FHIT: variants seen among roughly 807,000 people sequenced by gnomAD.
FHIT encodes bis(5'-adenosyl)-triphosphatase.
In FHIT, 19 loss-of-function variants were observed where a neutral mutation model predicts 17.9. That is an observed-to-expected ratio of 1.06 (90% CI 0.74 to 1.56). FHIT has a LOEUF of 1.56. Ranked by LOEUF, FHIT falls within the 40% of genes most tolerant of loss-of-function variation. The pLI, the probability that FHIT is intolerant of heterozygous loss-of-function variation, is 0.00. For synonymous variants in FHIT, 81 were observed against 69.7 expected (o/e 1.16, Z -0.81); for missense variants, 248 against 189.2 (o/e 1.31, Z -1.82).
chr3:60,571,335 C>CAAAAAAAAAAAAAAA lies in FHIT; in HGVS notation c.-17-34371_-17-34357dup, dbSNP rs56094072. Among the ~76,000 whole-genome samples the CAAAAAAAAAAAAAAA allele has an allele frequency of 5.9e-4, 32 of 54,672 alleles. 1 individual carries two copies. The highest frequency in any genetic ancestry group is 6.7e-4 in the Non-Finnish European group (21 of 31,312). 35.9% of individuals were successfully genotyped at this position (54,672 alleles called of 152,430 possible). ...TGGGCAACAGGGCAAGACTCCATCGCAAAAAAAAAAAAAAAAAAAAAAAAA... is the reference window on the plus strand; with the variant it reads ...TGGGCAACAGGGCAAGACTCCATCGCAAAAAAAAAAAAAAAAAAAAAAAAAAAAAAAAAAAAAAAA... On this transcript the variant is annotated intron_variant, in intron 4 of 9. Coordinates refer to ENST00000492590, the MANE Select transcript of FHIT (RefSeq NM_002012.4).
In FHIT at chr3:60,922,144, G is replaced by A. The variant is rs1483457720; in HGVS notation, c.-110-100133C>T. Among the ~76,000 whole-genome samples, 4 of 152,132 alleles carry A rather than the reference G, an allele frequency of 2.6e-5. No individual in the cohort carries two copies. The East Asian group carries it at 7.7e-4, about 29-fold the overall frequency. On this transcript the variant is annotated intron_variant, in intron 3 of 9. Coordinates refer to ENST00000492590, the MANE Select transcript of FHIT (RefSeq NM_002012.4). Reference sequence around the variant, plus strand: ...TAAATAAGCTCACCTGCCATGGTGGGGTCTCTGAAAATGACTTGGAAGGAC... The same window carrying A: ...TAAATAAGCTCACCTGCCATGGTGGAGTCTCTGAAAATGACTTGGAAGGAC...
At chr3:59,870,856 C>T (rs979133019) in intron 8 of FHIT, among the ~76,000 whole-genome samples, 4 of 116,236 alleles carry the variant, frequency 3.4e-5, no homozygotes, top group Middle Eastern at 4.3e-3. Flanking sequence ...TAGTAAAGGG[C>T]GTGTGTGTGT....
intron 5 of FHIT, among the ~76,000 whole-genome samples, chr3:60,186,897 T>G (rs1003516742): frequency 7.9e-5 from 12 of 152,172 alleles, no homozygotes; most frequent in African/African-American, 2.9e-4. Context: ...CATAAGATAT[T>G]TAAATTCAAA....
At chr3:60,832,199 T>C (rs1553742735) in intron 3 of FHIT, among the ~76,000 whole-genome samples, 1 of 152,116 alleles carries the variant, frequency 6.6e-6, no homozygotes, top group Non-Finnish European at 1.5e-5. Context: ...TTTTGTACTT[T>C]TTATCTAATT....
intron 5 of FHIT, among the ~76,000 whole-genome samples, chr3:60,521,454 A>G (rs533544734): frequency 2.0e-4 from 31 of 152,128 alleles, no homozygotes; most frequent in Middle Eastern, 3.4e-3. Flanking sequence ...TCACCGTGTT[A>G]GCCAGGATGG....
chr3:60,657,116 T>C (rs782177706), intron 4 of FHIT, among the ~76,000 whole-genome samples: 6 of 152,144 alleles, frequency 3.9e-5, no homozygotes, highest in African/African-American at 7.2e-5. Context: ...CACGGGAGGA[T>C]ATGAAATGTA....
At chr3:60,626,131 G>A (rs1341963170) in intron 4 of FHIT, among the ~76,000 whole-genome samples, 2 of 152,028 alleles carry the variant, frequency 1.3e-5, no homozygotes, top group Admixed American at 1.3e-4. Flanking sequence ...TCACTGTAGA[G>A]TTGTCATGAG....
At chr3:60,160,801 A>G (rs984375680) in intron 5 of FHIT, among the ~76,000 whole-genome samples, 9 of 150,330 alleles carry the variant, frequency 6.0e-5, no homozygotes, top group African/African-American at 2.2e-4. Context: ...AATGAGAGTG[A>G]GAATGAGAGC....
chr3:61,011,573 A>ACTC (rs2031791536), intron 3 of FHIT, among the ~76,000 whole-genome samples: 1 of 152,086 alleles, frequency 6.6e-6, no homozygotes. Flanking sequence ...AAGTCTTCCA[A>ACTC]CTGGAGTTCA....
chr3:59,812,992 G>GT (rs1251677622), intron 8 of FHIT, among the ~76,000 whole-genome samples: 1 of 152,074 alleles, frequency 6.6e-6, no homozygotes, highest in African/African-American at 2.4e-5. Flanking sequence ...GGGTTTAACA[G>GT]TAAGTCCTAA....
chr3:60,436,662 T>C (rs1003457542), intron 5 of FHIT, among the ~76,000 whole-genome samples: 1 of 152,242 alleles, frequency 6.6e-6, no homozygotes, highest in Admixed American at 6.6e-5. Flanking sequence ...ATCATGAATG[T>C]AATGTCTGTG....
At chr3:60,183,881 G>A (rs1290632561) in intron 5 of FHIT, among the ~76,000 whole-genome samples, 1 of 152,034 alleles carries the variant, frequency 6.6e-6, no homozygotes, top group Non-Finnish European at 1.5e-5. Flanking sequence ...AGAGTTCAGA[G>A]TTCCCATATA....
At chr3:60,458,281 AG>A (rs1272295257) in intron 5 of FHIT, among the ~76,000 whole-genome samples, 1 of 152,250 alleles carries the variant, frequency 6.6e-6, no homozygotes, top group African/African-American at 2.4e-5. Context: ...TGTCCTTTGT[AG>A]GGACATGGAT....
At chr3:59,766,126 T>C (rs1313080075) in intron 8 of FHIT, among the ~76,000 whole-genome samples, 1 of 152,190 alleles carries the variant, frequency 6.6e-6, no homozygotes, top group African/African-American at 2.4e-5. Context: ...ATCATACTGT[T>C]AGATGTGGGA....
chr3:60,255,958 A>C (rs1385790229), intron 5 of FHIT, among the ~76,000 whole-genome samples: 2 of 152,190 alleles, frequency 1.3e-5, no homozygotes, highest in African/African-American at 4.8e-5. Flanking sequence ...CCCCTAAGTG[A>C]AACACTTGAA....
At chr3:60,678,562 A>C (rs2040674796) in intron 4 of FHIT, among the ~76,000 whole-genome samples, 2 of 152,198 alleles carry the variant, frequency 1.3e-5, no homozygotes, top group South Asian at 2.1e-4. Flanking sequence ...AGGAGTTACC[A>C]AAATGTCATC....
intron 2 of FHIT, among the ~76,000 whole-genome samples, chr3:61,073,820 A>G (rs1356222320): frequency 6.6e-6 from 1 of 152,204 alleles, no homozygotes; most frequent in East Asian, 1.9e-4. Context: ...AGGCTGAAGC[A>G]GAGGCAGCTA....
At chr3:60,580,977 T>C (rs1553659519) in intron 4 of FHIT, among the ~76,000 whole-genome samples, 1 of 152,008 alleles carries the variant, frequency 6.6e-6, no homozygotes, top group East Asian at 1.9e-4. Context: ...AGATTCTGAT[T>C]AAGTCTGGGG....
At chr3:59,978,765 A>G (rs909000360) in intron 7 of FHIT, among the ~76,000 whole-genome samples, 2 of 151,464 alleles carry the variant, frequency 1.3e-5, no homozygotes, top group African/African-American at 2.4e-5. Context: ...AAGCCCATAC[A>G]GAAACCTATT....
Sources: allele counts gnomAD v4.1 joint callset (sites outside exome capture counted in the v4.1 genomes callset), GRCh38; gene constraint gnomAD v4.1.1; transcripts MANE v1.5; gene names NCBI Gene and HGNC (gene_info 2026-07-23, HGNC 2026-07-21).